The following TRABD2A variants were observed in gnomAD, a reference collection of about 807,000 sequenced individuals.
The protein encoded by TRABD2A is metalloprotease TIKI1.
A neutral mutation model predicts 45.6 loss-of-function variants in TRABD2A; 43 were observed. The observed-to-expected ratio is 0.94, with a 90% CI of 0.74 to 1.22. TRABD2A has a LOEUF of 1.22. TRABD2A is among the 50% of genes most tolerant of loss of function. The pLI is 0.00. For synonymous variants in TRABD2A, 269 were observed against 265.0 expected (o/e 1.02, Z -0.15); for missense variants, 642 against 652.4 (o/e 0.98, Z 0.17).
intron 1 of TRABD2A, among the ~76,000 whole-genome samples, chr2:84,871,374 AACTCTAGCT>A (rs1291691260): frequency 6.6e-6 from 1 of 152,204 alleles, no homozygotes; most frequent in African/African-American, 2.4e-5. Flanking sequence ...CAGAGGCTTC[AACTCTAGCT>A]ATGCACTGGA....
chr2:84,842,608 A>G (rs1412035420), intron 2 of TRABD2A, among the ~76,000 whole-genome samples: 1 of 152,120 alleles, frequency 6.6e-6, no homozygotes, highest in Non-Finnish European at 1.5e-5. Context: ...ATGTGCCTCT[A>G]GTCCCAGCTA....
chr2:84,825,190 C>T (rs984259811), intron 5 of TRABD2A, among the ~76,000 whole-genome samples: 2 of 152,130 alleles, frequency 1.3e-5, no homozygotes, highest in Non-Finnish European at 2.9e-5. Context: ...GGGCTTTCCT[C>T]GTCCAATGAT....
rs577613645 is a variant in TRABD2A, at chr2:84,824,012, C to G, written c.1275G>C (p.Arg425=). 6.2e-7 allele frequency: 1 copy of G among 1,613,802 alleles called. No individual in the cohort carries two copies. The highest frequency in any genetic ancestry group is 1.1e-5 in the South Asian group (1 of 91,056). ...AEQRFRKKRR[R]SQRRPRLRQF... is the part of the protein sequence containing the mutation. The stretch of plus-strand genomic sequence containing the variant: ...GCCGGAGTCGCGGCCTCCGCTGTGA[C>G]CGCCTCCGCTTCTTCCGGAACCTCT... The change falls in exon 6 of 7, where the codon CGG becomes CGC. Residue 425 remains arginine (R), a synonymous_variant. Coordinates refer to ENST00000409520, the MANE Select transcript of TRABD2A (RefSeq NM_001277053.2).
At position 84,841,133 on chromosome 2, in the gene TRABD2A, C is replaced by G. The variant is rs148286858; in HGVS notation, c.816+728G>C. On this transcript the variant is annotated intron_variant, in intron 3 of 6. Transcript: ENST00000409520. The stretch of plus-strand genomic sequence containing the variant: ...ACACTCCCCTACCTCAGAAGTTTAG[C>G]TGGTGTTTGCTATTTGCATGTAGTC... Among the ~76,000 whole-genome samples, 142 of 152,336 alleles carry G rather than the reference C, an allele frequency of 9.3e-4. No homozygotes were observed. The South Asian group carries it at 0.012, about 13-fold the overall frequency.
intron 1 of TRABD2A, among the ~76,000 whole-genome samples, chr2:84,879,991 C>A (rs1683147831): frequency 6.6e-6 from 1 of 150,556 alleles, no homozygotes; most frequent in South Asian, 2.2e-4. Context: ...TCAACCCACC[C>A]CCAACCCCCC....
chr2:84,877,073 G>A (rs980383263), intron 1 of TRABD2A, among the ~76,000 whole-genome samples: 8 of 152,040 alleles, frequency 5.3e-5, no homozygotes, highest in Non-Finnish European at 7.4e-5. Context: ...AAGGGCACCC[G>A]GATTCCCACT....
chr2:84,873,081 C>T (rs2105411641), intron 1 of TRABD2A, among the ~76,000 whole-genome samples: 1 of 144,608 alleles, frequency 6.9e-6, no homozygotes, highest in East Asian at 2.0e-4. Flanking sequence ...CGCCACTGCA[C>T]TCCAGCCTAG....
At chr2:84,853,563 C>T (rs1682173180) in intron 2 of TRABD2A, among the ~76,000 whole-genome samples, 1 of 152,138 alleles carries the variant, frequency 6.6e-6, no homozygotes. Flanking sequence ...AACTACAGTT[C>T]AGTGTAAGAT....
At chr2:84,849,140 CTG>C (rs1465471369) in intron 2 of TRABD2A, among the ~76,000 whole-genome samples, 8 of 152,142 alleles carry the variant, frequency 5.3e-5, no homozygotes, top group Non-Finnish European at 1.2e-4. Context: ...GTATCCCCTA[CTG>C]TCCCAACCCA....
chr2:84,852,580 G>A (rs1031757426), intron 2 of TRABD2A, among the ~76,000 whole-genome samples: 28 of 152,256 alleles, frequency 1.8e-4, no homozygotes, highest in African/African-American at 6.7e-4. Flanking sequence ...ATGTCCTCAG[G>A]GGCTGTTGGC....
At chr2:84,876,140 G>A (rs1397560733) in intron 1 of TRABD2A, among the ~76,000 whole-genome samples, 1 of 152,186 alleles carries the variant, frequency 6.6e-6, no homozygotes, top group East Asian at 1.9e-4. Context: ...CAATTGACAT[G>A]TCAAGCATAC....
chr2:84,853,636 G>T lies in TRABD2A; in HGVS notation c.670-11629C>A, dbSNP rs141343501. 7.2e-3 allele frequency among the ~76,000 whole-genome samples: 1,102 copies of T among 152,318 alleles called. 14 individuals carry two copies. The highest frequency in any genetic ancestry group is 0.026 in the African/African-American group (1,069 of 41,562). On this transcript the variant is annotated intron_variant, in intron 2 of 6. Transcript: ENST00000409520. ...CTGGAGTGAGGCTCCTACAAGACAA[G>T]AAACACCAAGGATAGGTGTCAACCA...
At chr2:84,867,293 A>G (rs933730893) in intron 2 of TRABD2A, among the ~76,000 whole-genome samples, 9 of 152,224 alleles carry the variant, frequency 5.9e-5, no homozygotes, top group Admixed American at 5.2e-4. Context: ...GTGTTATAAA[A>G]TCAACATGAC....
At position 84,841,888 on chromosome 2, in the gene TRABD2A, G is replaced by A. The variant is rs1453222666; in HGVS notation, c.789C>T (p.Ser263=). The A allele has an allele frequency of 2.3e-5, 36 of 1,543,510 alleles. No individual in the cohort carries two copies. Among genetic ancestry groups the A allele is most frequent in the Non-Finnish European group, 2.8e-5 (32 of 1,144,388 alleles). The change falls in exon 3 of 7, where the codon TCC becomes TCT. Residue 263 remains serine (S), a synonymous_variant. Transcript: ENST00000409520. The part of the protein sequence containing the change: ...IKHYNCGDLS[S]VILSHDSSQV... ...GGGAGCTGTCATGGCTGAGGATGACGGAGCTGAGGTCCCCGCAGTTATAGT... is the reference window on the plus strand; with the variant it reads ...GGGAGCTGTCATGGCTGAGGATGACAGAGCTGAGGTCCCCGCAGTTATAGT...
At chr2:84,858,342 G>A (rs948435627) in intron 2 of TRABD2A, among the ~76,000 whole-genome samples, 34 of 152,138 alleles carry the variant, frequency 2.2e-4, no homozygotes, top group Non-Finnish European at 4.0e-4. Flanking sequence ...GGCCAGCAGA[G>A]CACAAATTTT....
At chr2:84,858,054 T>C (rs930390715) in intron 2 of TRABD2A, among the ~76,000 whole-genome samples, 2 of 152,120 alleles carry the variant, frequency 1.3e-5, no homozygotes, top group East Asian at 3.9e-4. Context: ...GTTTCACTTT[T>C]TGTAGAGACG....
chr2:84,869,507 G>A (rs2105407818), intron 2 of TRABD2A, among the ~76,000 whole-genome samples: 1 of 152,292 alleles, frequency 6.6e-6, no homozygotes, highest in South Asian at 2.1e-4. Flanking sequence ...CTGTCCTGGG[G>A]CAGTGTCCTA....
intron 2 of TRABD2A, among the ~76,000 whole-genome samples, chr2:84,859,956 G>T (rs779718550): frequency 2.0e-5 from 3 of 151,916 alleles, no homozygotes; most frequent in South Asian, 2.1e-4. Context: ...AGATGGGGGG[G>T]GGTCTCACTA....
chr2:84,853,335 C>G (rs1682163192), intron 2 of TRABD2A, among the ~76,000 whole-genome samples: 1 of 152,092 alleles, frequency 6.6e-6, no homozygotes, highest in East Asian at 1.9e-4. Flanking sequence ...GCTGAGGAGG[C>G]CTCAGGAAAC....
Sources: gnomAD v4.1 joint callset for allele counts (sites outside exome capture counted in the v4.1 genomes callset) on GRCh38, gnomAD v4.1.1 for gene constraint, MANE v1.5 for transcripts, NCBI Gene and HGNC (gene_info 2026-07-23, HGNC 2026-07-21) for gene names.